Variants in MTMR9 observed in about 807,000 individuals in gnomAD.
MTMR9 encodes myotubularin related protein 9.
A neutral mutation model predicts 69.5 loss-of-function variants in MTMR9; 39 were observed. The observed-to-expected ratio is 0.56, with a 90% CI of 0.43 to 0.73. MTMR9 has a LOEUF of 0.73. Among genes scored for constraint, MTMR9 ranks in the 30% least tolerant of loss-of-function variants. The pLI is 0.00. For synonymous variants in MTMR9, 354 were observed against 240.8 expected (o/e 1.47, Z -4.35); for missense variants, 900 against 671.2 (o/e 1.34, Z -3.77).
chr8:11,300,149 G>C lies in MTMR9; in HGVS notation c.417+1G>C. 1.2e-6 allele frequency: 2 copies of C among 1,612,476 alleles called. No homozygotes were observed. Among genetic ancestry groups the C allele is most frequent in the Non-Finnish European group, 1.7e-6 (2 of 1,178,900 alleles). On this transcript the variant is annotated splice_donor_variant, in intron 3 of 9. Transcript: ENST00000221086. LOFTEE classifies it high-confidence loss of function. The stretch of plus-strand genomic sequence containing the variant: ...AGAATTTGAACTCTATTCTTCAGCT[G>C]TGAGTTAACTTTTGAGAACTGTGGA...
At chr8:11,319,319 A>G (rs1800563402) in intron 8 of MTMR9, 2 of 160,956 alleles carry the variant, frequency 1.2e-5, no homozygotes, top group South Asian at 3.8e-4. Context: ...AAAAGGTTAG[A>G]AAGTTTTTTT....
chr8:11,321,979 T>A (rs939557070), intron 9 of MTMR9, among the ~76,000 whole-genome samples: 7 of 152,196 alleles, frequency 4.6e-5, no homozygotes, highest in African/African-American at 1.7e-4. Context: ...ATTATTGTGG[T>A]GTGATACAGT....
At chr8:11,286,179 C>G (rs1400252668) in intron 1 of MTMR9, among the ~76,000 whole-genome samples, 1 of 151,692 alleles carries the variant, frequency 6.6e-6, no homozygotes, top group East Asian at 2.0e-4. Flanking sequence ...GTCTTGAACT[C>G]CTGACCTCGC....
intron 4 of MTMR9, among the ~76,000 whole-genome samples, 199 bp downstream of exon 4, chr8:11,305,213 C>T (rs965981321): frequency 6.6e-6 from 1 of 152,152 alleles, no homozygotes; most frequent in East Asian, 1.9e-4. Flanking sequence ...GAATTCTTTC[C>T]ATGATCCTGC....
At chr8:11,292,456 G>T (rs1799406942) in intron 1 of MTMR9, among the ~76,000 whole-genome samples, 1 of 152,156 alleles carries the variant, frequency 6.6e-6, no homozygotes, top group Non-Finnish European at 1.5e-5. Flanking sequence ...ACATACCTAT[G>T]AGCAGTGTGT....
the MTMR9 span, among the ~76,000 whole-genome samples, chr8:11,337,098 A>G: frequency 2.6e-5 from 4 of 152,292 alleles, no homozygotes; most frequent in East Asian, 1.9e-4. Context: ...CAGAGGCTAC[A>G]TACAGCATTC....
downstream of MTMR9, among the ~76,000 whole-genome samples, chr8:11,328,894 T>C (rs149869346): frequency 6.6e-6 from 1 of 152,356 alleles, no homozygotes; most frequent in African/African-American, 2.4e-5. Flanking sequence ...AAAAGCAGTC[T>C]TAGGAGTTTT....
chr8:11,324,189 A>C lies in MTMR9; in HGVS notation c.*1401A>C, dbSNP rs1487269448. On this transcript the variant is annotated 3_prime_UTR_variant, in exon 10 of 10. Coordinates refer to ENST00000221086, the MANE Select transcript of MTMR9 (RefSeq NM_015458.4). ...GCTTTAGAGCTGTGTGTTGAGCTAA[A>C]AATATAATTTTTTAAAAATTGACTA... 7 of 152,200 alleles carry C rather than the reference A, an allele frequency of 4.6e-5. No individual in the cohort carries two copies. The highest frequency in any genetic ancestry group is 8.8e-5 in the Non-Finnish European group (6 of 68,030). The allele number at this position is 152,200 out of a possible 1,614,324, so 9.4% of individuals were successfully genotyped here. A position where few individuals can be genotyped will look rare whatever the true frequency, so the allele number is the denominator to read the frequency against.
In MTMR9 at chr8:11,324,026, T is replaced by C. The variant is rs749207195; in HGVS notation, c.*1238T>C. On this transcript the variant is annotated 3_prime_UTR_variant, in exon 10 of 10. Coordinates refer to ENST00000221086, the MANE Select transcript of MTMR9 (RefSeq NM_015458.4). Reference sequence around the variant, plus strand: ...AGTATTTCCCACCTACATTTCTGTTTGGTGACATTGCTCATTTTAACAAAT... The same window carrying C: ...AGTATTTCCCACCTACATTTCTGTTCGGTGACATTGCTCATTTTAACAAAT... 2.0e-5 allele frequency: 3 copies of C among 152,228 alleles called. No individual in the cohort carries two copies. Among genetic ancestry groups the C allele is most frequent in the African/African-American group, 7.2e-5 (3 of 41,460 alleles). 9.4% of individuals were successfully genotyped at this position (152,228 alleles called of 1,614,324 possible). A position where few individuals can be genotyped will look rare whatever the true frequency, so the allele number is the denominator to read the frequency against.
intron 5 of MTMR9, among the ~76,000 whole-genome samples, chr8:11,309,206 G>A (rs774805640): frequency 6.6e-6 from 1 of 152,096 alleles, no homozygotes; most frequent in East Asian, 1.9e-4. Flanking sequence ...GATTGCAAAT[G>A]TAAGTGGTGC....
rs1482754978 is a variant in MTMR9 at position 11,284,817 on chromosome 8, C to G, written c.-72C>G. Reference sequence around the variant, plus strand: ...GCCAGCCCCGCGCCGGGTGTTTCCGCTACTTCCCTGCGGCGGGGTAACCGC... The same window carrying G: ...GCCAGCCCCGCGCCGGGTGTTTCCGGTACTTCCCTGCGGCGGGGTAACCGC... On this transcript the variant is annotated 5_prime_UTR_variant, in exon 1 of 10. Coordinates refer to ENST00000221086, the MANE Select transcript of MTMR9 (RefSeq NM_015458.4). 6.3e-6 allele frequency: 9 copies of G among 1,419,756 alleles called. No homozygotes were observed. Among genetic ancestry groups the G allele is most frequent in the Non-Finnish European group, 7.6e-6 (8 of 1,054,330 alleles). 87.9% of individuals were successfully genotyped at this position (1,419,756 alleles called of 1,614,324 possible).
rs559962659 is a variant in MTMR9, at chr8:11,284,981, G to C, written c.93G>C (p.Leu31=). 5 of 1,613,960 alleles carry C rather than the reference G, an allele frequency of 3.1e-6. No homozygotes were observed. The South Asian group carries it at 4.4e-5, about 14-fold the overall frequency. Residue 31 remains leucine (L), a synonymous_variant, in exon 1 of 10, where the codon CTG becomes CTC. Transcript: ENST00000221086. ...FYPAVEGTLC[L]TGHHLILSSR... ...CGGCTGTCGAGGGCACCCTGTGCCTGACGGGCCACCACTTGATCCTGTCCT... is the reference window on the plus strand; with the variant it reads ...CGGCTGTCGAGGGCACCCTGTGCCTCACGGGCCACCACTTGATCCTGTCCT...
chr8:11,307,660 A>G (rs1799990385), intron 5 of MTMR9, among the ~76,000 whole-genome samples: 1 of 152,168 alleles, frequency 6.6e-6, no homozygotes, highest in Admixed American at 6.5e-5. Context: ...TTACATTCCC[A>G]CCAGCATTGT....
rs1253662478 is a variant in MTMR9, at chr8:11,326,148, A to G, written c.*3360A>G. On this transcript the variant is annotated 3_prime_UTR_variant, in exon 10 of 10. Coordinates refer to ENST00000221086, the MANE Select transcript of MTMR9 (RefSeq NM_015458.4). ...TCTCCTCAAGTGAAAAACAGGAGTA[A>G]TGTTTCGTTGCACTTTGAAAGATCT... 3.9e-5 allele frequency: 6 copies of G among 152,334 alleles called. No individual in the cohort carries two copies. The East Asian group carries it at 1.2e-3, about 29-fold the overall frequency. 9.4% of individuals were successfully genotyped at this position (152,334 alleles called of 1,614,324 possible).
chr8:11,331,003 T>G, downstream of MTMR9: 1 of 1,491,158 alleles, frequency 6.7e-7, no homozygotes, highest in Non-Finnish European at 8.9e-7. Flanking sequence ...TCAGGAGAGT[T>G]CCAGGGAAGA....
rs1363375382 is a variant in MTMR9, at chr8:11,324,240, G to C, written c.*1452G>C. ...GCAAAATCTATGGCCACACTGAGAA[G>C]CCTTTGAAAATGGCAAATACTTTTC... On this transcript the variant is annotated 3_prime_UTR_variant, in exon 10 of 10. Transcript: ENST00000221086. 2 of 152,022 alleles carry C rather than the reference G, an allele frequency of 1.3e-5. No individual in the cohort carries two copies. The highest frequency in any genetic ancestry group is 2.9e-5 in the Non-Finnish European group (2 of 68,008). The allele number at this position is 152,022 out of a possible 1,614,324, so 9.4% of individuals were successfully genotyped here.
At chr8:11,313,520 G>A (rs953115625) in intron 6 of MTMR9, among the ~76,000 whole-genome samples, 58 of 152,330 alleles carry the variant, frequency 3.8e-4, no homozygotes, top group African/African-American at 1.3e-3. Flanking sequence ...TCCTCACTAA[G>A]CTTAATCATT....
intron 6 of MTMR9, among the ~76,000 whole-genome samples, chr8:11,311,782 T>G (rs1374934687): frequency 5.3e-5 from 8 of 152,208 alleles, no homozygotes; most frequent in Admixed American, 5.2e-4. Context: ...TGATACCGTT[T>G]GATAGCATTT....
chr8:11,319,778 G>A lies in MTMR9; in HGVS notation c.1426G>A (p.Glu476Lys), dbSNP rs1289326218. ...GAGTAAATTCACCAATCCCCTCTTT[G>A]AAGCCAACAACCTTGTCATCTGGCC... ...ELSKFTNPLF[E>K]ANNLVIWPSV... Residue 476 changes from glutamate to lysine, a missense_variant, in exon 9 of 10, where the codon GAA becomes AAA. Physicochemically the swap from Glu to Lys is moderately conservative, Grantham distance 56. Transcript: ENST00000221086. The A allele has an allele frequency of 6.2e-7, 1 of 1,614,120 alleles. No homozygotes were observed.
Sources: allele counts gnomAD v4.1 joint callset (sites outside exome capture counted in the v4.1 genomes callset), GRCh38; gene constraint gnomAD v4.1.1; transcripts MANE v1.5; gene names NCBI Gene and HGNC (gene_info 2026-07-23, HGNC 2026-07-21).